MGST1: variants seen among roughly 807,000 people sequenced by gnomAD.
MGST1 encodes glutathione S-transferase 12.
MGST1 carries 5 observed loss-of-function variants against 8.9 expected under a neutral mutation model. The ratio of observed to expected loss-of-function variants is 0.56; its 90% CI spans 0.29 to 1.19. The LOEUF is 1.19. MGST1 is among the 50% of genes most tolerant of loss of function. MGST1 has a pLI of 0.08. For missense variants in MGST1, 182 were observed against 187.4 expected, an observed-to-expected ratio of 0.97 and a Z score of 0.17; for synonymous variants, 54 against 67.8, an observed-to-expected ratio of 0.80 and a Z score of 1.00.
rs2137170328 is a variant in MGST1, at chr12:16,503,213, T to C, written n.483-86315T>C. Among the ~76,000 whole-genome samples the C allele has an allele frequency of 6.7e-6, 1 of 150,334 alleles. No individual in the cohort carries two copies. Among genetic ancestry groups the C allele is most frequent in the South Asian group, 2.2e-4 (1 of 4,514 alleles). ...CTTCTCTTATTGTTATTCCCCACAA[T>C]AGTTTGGGTTGGACAGGCAATGTAA... On this transcript the variant is annotated intron_variant and non_coding_transcript_variant, in intron 4 of 4. Coordinates refer to the MGST1 transcript ENST00000538857. The surrounding 1 kb of genome is among the most constrained non-coding windows in gnomAD (Gnocchi z 4.8).
chr12:16,573,987 C>T (rs945514532), intron 4 of MGST1: 1 of 152,206 alleles, frequency 6.6e-6, no homozygotes, highest in Non-Finnish European at 1.5e-5. Flanking sequence ...CCGTGCCCCT[C>T]AGAGCATTAC....
In MGST1 at chr12:16,497,501, G is replaced by A. The variant is rs1387329224; in HGVS notation, n.483-92027G>A. Among the ~76,000 whole-genome samples, 4 of 152,152 alleles carry A rather than the reference G, an allele frequency of 2.6e-5. No homozygotes were observed. Among genetic ancestry groups the A allele is most frequent in the Non-Finnish European group, 4.4e-5 (3 of 68,008 alleles). On this transcript the variant is annotated intron_variant and non_coding_transcript_variant, in intron 4 of 4. Transcript: ENST00000538857. This position sits in a 1 kb window ranked among gnomAD's most constrained non-coding sequence, Gnocchi z 4.4. ...GTGAAAAGAGAAAGCAGAGTTTGGTGAGAAAAGAATCTCTTCAGTTATGTG... is the reference window on the plus strand; with the variant it reads ...GTGAAAAGAGAAAGCAGAGTTTGGTAAGAAAAGAATCTCTTCAGTTATGTG...
intron 4 of MGST1, among the ~76,000 whole-genome samples, chr12:16,519,276 T>A (rs1230443422): frequency 6.6e-6 from 1 of 152,232 alleles, no homozygotes; most frequent in Non-Finnish European, 1.5e-5. Flanking sequence ...TAACTACCAT[T>A]TTTATGAAGA....
chr12:16,494,441 T>C (rs1941457742), intron 4 of MGST1, among the ~76,000 whole-genome samples: 1 of 152,184 alleles, frequency 6.6e-6, no homozygotes, highest in African/African-American at 2.4e-5. Flanking sequence ...TTTCATAAGT[T>C]TGAGTATGAC....
At chr12:16,534,859 G>C (rs979892557) in intron 4 of MGST1, among the ~76,000 whole-genome samples, 7 of 152,052 alleles carry the variant, frequency 4.6e-5, no homozygotes, top group African/African-American at 1.7e-4. Flanking sequence ...ATTCTCCCAG[G>C]CCTTGTAAGC....
chr12:16,477,321 A>C (rs908045268), intron 4 of MGST1, among the ~76,000 whole-genome samples: 2 of 152,152 alleles, frequency 1.3e-5, no homozygotes, highest in African/African-American at 2.4e-5. Flanking sequence ...CATATCTTAA[A>C]AGTAGAATCT....
downstream of MGST1, among the ~76,000 whole-genome samples, chr12:16,590,320 G>T (rs1766300319): frequency 6.6e-6 from 1 of 152,108 alleles, no homozygotes; most frequent in African/African-American, 2.4e-5. Flanking sequence ...TGTAACATTT[G>T]TCTCATCAAG....
At chr12:16,489,662 G>C (rs576027044) in intron 4 of MGST1, among the ~76,000 whole-genome samples, 1 of 152,166 alleles carries the variant, frequency 6.6e-6, no homozygotes, top group Non-Finnish European at 1.5e-5. Flanking sequence ...CTAACATTTA[G>C]AGATTAAATG....
chr12:16,417,265 C>A (rs1213629021), intron 1 of MGST1, among the ~76,000 whole-genome samples: 1 of 152,022 alleles, frequency 6.6e-6, no homozygotes, highest in East Asian at 1.9e-4. Flanking sequence ...GAGGGAAGTG[C>A]AAGCAGGAAA....
intron 3 of MGST1, chr12:16,360,514 A>ATCACTGGTTTCT: frequency 4.4e-6 from 1 of 228,888 alleles, no homozygotes; most frequent in Non-Finnish European, 7.2e-6. Flanking sequence ...GACAGAAACC[A>ATCACTGGTTTCT]GTGATGGTTA....
chr12:16,434,621 C>A (rs1242374216), intron 1 of MGST1, among the ~76,000 whole-genome samples: 3 of 151,898 alleles, frequency 2.0e-5, no homozygotes, highest in African/African-American at 7.2e-5. Context: ...CTTTTTCTTT[C>A]TTCTCCCCCT....
intron 4 of MGST1, among the ~76,000 whole-genome samples, chr12:16,553,932 C>T (rs533357432): frequency 6.6e-6 from 1 of 151,274 alleles, no homozygotes; most frequent in Admixed American, 6.6e-5. Context: ...TATTAACAGG[C>T]TACAATTACT....
downstream of MGST1, among the ~76,000 whole-genome samples, chr12:16,377,651 G>A (rs1231311724): frequency 6.6e-6 from 1 of 152,078 alleles, no homozygotes; most frequent in Non-Finnish European, 1.5e-5. Flanking sequence ...AATCCTTTGG[G>A]TATATACCCA....
At chr12:16,526,546 C>G (rs1191166327) in intron 4 of MGST1, among the ~76,000 whole-genome samples, 1 of 151,792 alleles carries the variant, frequency 6.6e-6, no homozygotes, top group Non-Finnish European at 1.5e-5. Flanking sequence ...AATAAAATTC[C>G]TATAAACGTG....
At chr12:16,551,602 T>G (rs1476464128) in intron 4 of MGST1, among the ~76,000 whole-genome samples, 1 of 151,808 alleles carries the variant, frequency 6.6e-6, no homozygotes, top group Admixed American at 6.6e-5. Flanking sequence ...GCTTTTTTTT[T>G]TTTTAAACCA....
chr12:16,544,456 C>T lies in MGST1; in HGVS notation n.483-45072C>T, dbSNP rs1361915843. Reference sequence around the variant, plus strand: ...GAATGTGTATTTACTTATATAGCATCAATTTGTATTCATCTCTATTTTCTA... The same window carrying T: ...GAATGTGTATTTACTTATATAGCATTAATTTGTATTCATCTCTATTTTCTA... On this transcript the variant is annotated intron_variant and non_coding_transcript_variant, in intron 4 of 4. Coordinates refer to the MGST1 transcript ENST00000538857. This position sits in a 1 kb window ranked among gnomAD's most constrained non-coding sequence, Gnocchi z 4.8. 6.6e-6 allele frequency among the ~76,000 whole-genome samples: 1 copy of T among 151,980 alleles called. No individual in the cohort carries two copies. The highest frequency in any genetic ancestry group is 6.6e-5 in the Admixed American group (1 of 15,238).
At position 16,563,318 on chromosome 12, in the gene MGST1, A is replaced by T. The variant is rs139140399; in HGVS notation, n.483-26210A>T. ...CTACATTCGAGTTCTCTTTTTTCTCAGTGGGACAAACCCAGGATTCTCTGG... is the reference window on the plus strand; with the variant it reads ...CTACATTCGAGTTCTCTTTTTTCTCTGTGGGACAAACCCAGGATTCTCTGG... On this transcript the variant is annotated intron_variant and non_coding_transcript_variant, in intron 4 of 4. Transcript: ENST00000538857. Among the ~76,000 whole-genome samples the T allele has an allele frequency of 2.6e-5, 4 of 152,296 alleles. No homozygotes were observed. The East Asian group carries it at 7.7e-4, about 29-fold the overall frequency.
rs1004064813 is a variant in MGST1, at chr12:16,530,295, A to T, written n.483-59233A>T. Among the ~76,000 whole-genome samples the T allele has an allele frequency of 7.9e-5, 12 of 152,208 alleles. 1 individual carries two copies. In the South Asian group the frequency reaches 2.1e-3, roughly 26 times the overall value. On this transcript the variant is annotated intron_variant and non_coding_transcript_variant, in intron 4 of 4. Coordinates refer to the MGST1 transcript ENST00000538857. ...GTTCTAGTCTGCAGTTCTTAAGTGT[A>T]GTATTTAAGGGTCTTTGTTTTTTTA...
In MGST1 at chr12:16,356,503, T is replaced by G. The variant is rs542793377; in HGVS notation, c.127-1102T>G. On this transcript the variant is annotated intron_variant, in intron 2 of 3. Transcript: ENST00000396210. ...TGTGCATCGGTTCTCTTCAACATCT[T>G]TATCTCTAATATAATGTTCATATCA... Among the ~76,000 whole-genome samples the G allele has an allele frequency of 7.2e-5, 11 of 152,272 alleles. 1 individual carries two copies. In the South Asian group the frequency reaches 2.1e-3, roughly 29 times the overall value.
Sources: gnomAD v4.1 joint callset for allele counts (sites outside exome capture counted in the v4.1 genomes callset) on GRCh38, gnomAD v4.1.1 for gene constraint, Gnocchi (gnomAD v3.1) non-coding constraint, MANE v1.5 for transcripts, NCBI Gene and HGNC (gene_info 2026-07-23, HGNC 2026-07-21) for gene names.